The following UBXN11 variants were observed in gnomAD, a reference collection of about 807,000 sequenced individuals.
The protein encoded by UBXN11 is UBX domain protein 11, also known as UBX domain-containing protein 11.
UBXN11 carries 47 observed loss-of-function variants against 62.8 expected under a neutral mutation model. That is an observed-to-expected ratio of 0.75 (90% CI 0.59 to 0.95). The LOEUF (loss-of-function observed/expected upper bound fraction) is 0.95, where lower values mean the gene tolerates loss of function less well. UBXN11 is among the 40% of genes least tolerant of loss of function. The pLI, the probability that UBXN11 is intolerant of heterozygous loss-of-function variation, is 0.00. For missense variants in UBXN11, 638 were observed against 661.7 expected (o/e 0.96, Z 0.39); for synonymous variants, 294 against 267.0 (o/e 1.10, Z -0.99).
chr1:26,298,119 G>C (rs1004700306), intron 4 of UBXN11, 57 bp from the exon 5 acceptor site: 76 of 1,555,976 alleles, frequency 4.9e-5, no homozygotes, highest in Middle Eastern at 3.3e-4. Flanking sequence ...TGAGTTGTGG[G>C]GGGGAGGGAG....
chr1:26,310,355 T>C (rs1044542646), upstream of UBXN11, among the ~76,000 whole-genome samples: 1 of 151,976 alleles, frequency 6.6e-6, no homozygotes, highest in Admixed American at 6.6e-5. Flanking sequence ...CTGGCCAACA[T>C]GGTGAAACCC....
At chr1:26,283,465 G>A (rs1437330499) in intron 12 of UBXN11, among the ~76,000 whole-genome samples, 3 of 152,248 alleles carry the variant, frequency 2.0e-5, no homozygotes, top group Admixed American at 1.3e-4. Flanking sequence ...AATATAGGAC[G>A]GGCCTTGAGT....
At chr1:26,311,530 C>A (rs1048569077), upstream of UBXN11, among the ~76,000 whole-genome samples, 3 of 149,540 alleles carry the variant, frequency 2.0e-5, no homozygotes, top group Admixed American at 6.7e-5. Flanking sequence ...GCAGACTCTG[C>A]CTCCCGGGTT....
chr1:26,310,727 TAAAAA>T (rs71004584), upstream of UBXN11, among the ~76,000 whole-genome samples: 2,151 of 122,140 alleles, frequency 0.018, 68 homozygotes, highest in African/African-American at 0.06. Flanking sequence ...GACTCTGTCT[TAAAAA>T]AAAAAAAAAA....
intron 4 of UBXN11, among the ~76,000 whole-genome samples, chr1:26,299,525 A>AAG (rs397979718): frequency 1.4e-5 from 2 of 144,872 alleles, no homozygotes; most frequent in African/African-American, 5.6e-5. Context: ...AAAAAAAAAA[A>AAG]CAAAAAAAAA....
At chr1:26,285,590 C>T (rs767625056) in intron 9 of UBXN11, 49 bp from the exon 10 acceptor site, 1 of 1,485,096 alleles carries the variant, frequency 6.7e-7, no homozygotes, top group East Asian at 2.3e-5. Context: ...CTTGGGCCCA[C>T]CCTGCCCTGC....
At chr1:26,306,713 A>T (rs2073676640), upstream of UBXN11, 1 of 151,864 alleles carries the variant, frequency 6.6e-6, no homozygotes, top group Non-Finnish European at 1.5e-5. Context: ...ACCTGCAGAC[A>T]GCGAAGGTGG....
chr1:26,298,116 T>C (rs948040932), intron 4 of UBXN11, 54 bp from the exon 5 acceptor site: 1 of 1,565,500 alleles, frequency 6.4e-7, no homozygotes, highest in African/African-American at 1.4e-5. Context: ...GGCTGAGTTG[T>C]GGGGGGGAGG....
chr1:26,317,717 A>C (rs1374544763), intron 1 of UBXN11, among the ~76,000 whole-genome samples: 1 of 152,174 alleles, frequency 6.6e-6, no homozygotes, highest in East Asian at 1.9e-4. Flanking sequence ...GCATGATTCC[A>C]GGCCTTGGGC....
intron 7 of UBXN11, among the ~76,000 whole-genome samples, chr1:26,295,909 C>T (rs375149045): frequency 1.3e-5 from 2 of 152,342 alleles, no homozygotes; most frequent in South Asian, 2.1e-4. Flanking sequence ...GTGGCGGAGA[C>T]GCATGCAAGG....
At chr1:26,304,912 A>C (rs1570135889) in intron 1 of UBXN11, among the ~76,000 whole-genome samples, 5 of 126,220 alleles carry the variant, frequency 4.0e-5, no homozygotes, top group Admixed American at 1.6e-4. Context: ...CAATCCCCCC[A>C]CTCCCAGAAC....
At chr1:26,299,523 A>AC (rs1557687975) in intron 4 of UBXN11, among the ~76,000 whole-genome samples, 1 of 150,934 alleles carries the variant, frequency 6.6e-6, no homozygotes, top group Non-Finnish European at 1.5e-5. Context: ...AAAAAAAAAA[A>AC]AACAAAAAAA....
chr1:26,293,255 G>A (rs947956156), intron 8 of UBXN11, among the ~76,000 whole-genome samples: 6 of 152,198 alleles, frequency 3.9e-5, no homozygotes, highest in African/African-American at 7.2e-5. Flanking sequence ...GTAGAGTCGA[G>A]TTGAGGGCCC....
Position 26,284,521 on chromosome 1 carries a change from C to T in UBXN11, c.853-39G>A, listed in dbSNP as rs373789062. On this transcript the variant is annotated intron_variant, in intron 10 of 14. Transcript: ENST00000374222. ...AGGGCAACGACGGCAGCGGACCCAG[C>T]TCTTCAGCCCTTGGCCCCACTTTCA... 144 of 1,552,008 alleles carry T rather than the reference C, an allele frequency of 9.3e-5. 1 individual carries two copies. In the African/African-American group the frequency reaches 1.9e-3, roughly 20 times the overall value.
Position 26,297,411 on chromosome 1 carries a change from T to A in UBXN11, c.355+16A>T. ...CCTGACTGGGGGCGCAGGTCAGCCCTCCAAGAGCCCCCTACCTGGGTGTGG... is the reference window on the plus strand; with the variant it reads ...CCTGACTGGGGGCGCAGGTCAGCCCACCAAGAGCCCCCTACCTGGGTGTGG... On this transcript the variant is annotated intron_variant, in intron 6 of 14. Transcript: ENST00000374222. 1 of 1,532,672 alleles carries A rather than the reference T, an allele frequency of 6.5e-7. No individual in the cohort carries two copies. Among genetic ancestry groups the A allele is most frequent in the Non-Finnish European group, 8.8e-7 (1 of 1,139,664 alleles). The allele number at this position is 1,532,672 out of a possible 1,614,324, so 94.9% of individuals were successfully genotyped here.
upstream of UBXN11, chr1:26,306,844 GT>G: frequency 2.9e-5 from 3 of 104,670 alleles, no homozygotes; most frequent in African/African-American, 4.5e-5. Context: ...GGGGGGGGTG[GT>G]TCGTTCCTAC....
Position 26,282,746 on chromosome 1 carries a change from G to C in UBXN11, c.1195C>G (p.Leu399Val), listed in dbSNP as rs1471346337. 6.2e-7 allele frequency: 1 copy of C among 1,614,074 alleles called. No individual in the cohort carries two copies. Among genetic ancestry groups the C allele is most frequent in the African/African-American group, 1.3e-5 (1 of 74,936 alleles). ...TCCCCATTCTCAGACTTGATGCGCA[G>C]CATGGAGAGCGGGGGTGCCGGCGTG... is the stretch of plus-strand genomic sequence containing the variant. Reference protein sequence around the residue: ...PNTPAPPLSMLRIKSENGEQA... With the variant: ...PNTPAPPLSMVRIKSENGEQA... Residue 399 changes from leucine (L) to valine (V), a missense_variant, in exon 14 of 15, where the codon CTG (leucine) becomes GTG (valine). Coordinates refer to ENST00000374222, the MANE Select transcript of UBXN11 (RefSeq NM_001389556.1).
intron 4 of UBXN11, among the ~76,000 whole-genome samples, chr1:26,299,349 T>C (rs1457489095): frequency 6.6e-6 from 1 of 151,742 alleles, no homozygotes; most frequent in Non-Finnish European, 1.5e-5. Flanking sequence ...CTGTCTCTAC[T>C]AAAAATACAA....
chr1:26,302,957 C>T lies in UBXN11; in HGVS notation c.-35-39G>A, dbSNP rs1196207494. ...GGAAGTCAGCCCCTGGGGACAGACT[C>T]AGGGCTCCAAGCCCAGGGGGTAGCC... is the stretch of plus-strand genomic sequence containing the variant. On this transcript the variant is annotated intron_variant, in intron 1 of 14. Coordinates refer to ENST00000374222, the MANE Select transcript of UBXN11 (RefSeq NM_001389556.1). 15 of 1,475,242 alleles carry T rather than the reference C, an allele frequency of 1.0e-5. No individual in the cohort carries two copies. The Admixed American group carries it at 2.7e-4, about 27-fold the overall frequency. The allele number at this position is 1,475,242 out of a possible 1,614,324, so 91.4% of individuals were successfully genotyped here. A position where few individuals can be genotyped will look rare whatever the true frequency, so the allele number is the denominator to read the frequency against.
Sources: allele counts gnomAD v4.1 joint callset (sites outside exome capture counted in the v4.1 genomes callset), GRCh38; gene constraint gnomAD v4.1.1; transcripts MANE v1.5; gene names NCBI Gene and HGNC (gene_info 2026-07-23, HGNC 2026-07-21).